The following EYS variants were observed in gnomAD, a reference collection of about 807,000 sequenced individuals.
EYS encodes protein eyes shut homolog.
In EYS, 250 loss-of-function variants were observed where a neutral mutation model predicts 282.1. That is an observed-to-expected ratio of 0.89 (90% CI 0.80 to 0.98). The LOEUF (loss-of-function observed/expected upper bound fraction) is 0.98, where lower values mean the gene tolerates loss of function less well. EYS is among the 50% of genes least tolerant of loss of function. The pLI is 0.00. For synonymous variants in EYS, 1,355 were observed against 1,282.9 expected, an observed-to-expected ratio of 1.06 and a Z score of -1.20; for missense variants, 4,016 against 3,709.0, an observed-to-expected ratio of 1.08 and a Z score of -2.15.
At chr6:64,010,371 A>G (rs1768554270) in intron 33 of EYS, among the ~76,000 whole-genome samples, 1 of 75,092 alleles carries the variant, frequency 1.3e-5, no homozygotes, top group African/African-American at 8.1e-5. Context: ...CACTGGTGGC[A>G]TTGGCTGTGT....
intron 22 of EYS, among the ~76,000 whole-genome samples, chr6:64,653,523 C>A (rs1486222133): frequency 6.6e-6 from 1 of 151,974 alleles, no homozygotes; most frequent in Non-Finnish European, 1.5e-5. Flanking sequence ...TGTTTCAGTT[C>A]ATTAATTTCT....
chr6:64,602,369 C>T (rs1195851138), intron 24 of EYS, among the ~76,000 whole-genome samples: 2 of 151,966 alleles, frequency 1.3e-5, no homozygotes, highest in African/African-American at 2.4e-5. Context: ...ACAGGATGGC[C>T]CTTTAGATGC....
chr6:65,511,761 T>C (rs1310890908), intron 2 of EYS, among the ~76,000 whole-genome samples: 1 of 152,010 alleles, frequency 6.6e-6, no homozygotes. Context: ...AAGACCAGCC[T>C]GGTCAACATG....
chr6:64,206,159 T>TATAAAA (rs1161341654), intron 31 of EYS, among the ~76,000 whole-genome samples: 1 of 152,126 alleles, frequency 6.6e-6, no homozygotes, highest in Non-Finnish European at 1.5e-5. Flanking sequence ...AACTAAAAAT[T>TATAAAA]ATAAAAATAA....
intron 26 of EYS, among the ~76,000 whole-genome samples, chr6:64,502,360 C>T (rs1777078861): frequency 6.6e-6 from 1 of 152,060 alleles, no homozygotes; most frequent in African/African-American, 2.4e-5. Context: ...CCTGCCTCAG[C>T]CTCCCGAGTA....
chr6:65,006,665 A>G (rs1254512200), intron 13 of EYS, among the ~76,000 whole-genome samples: 1 of 152,186 alleles, frequency 6.6e-6, no homozygotes, highest in Non-Finnish European at 1.5e-5. Context: ...TTACCATACA[A>G]AGGTCCGACC....
chr6:64,619,158 G>A (rs1284946149), intron 23 of EYS, among the ~76,000 whole-genome samples: 1 of 152,070 alleles, frequency 6.6e-6, no homozygotes, highest in Non-Finnish European at 1.5e-5. Flanking sequence ...AGAACACATG[G>A]TAGTTATACA....
At chr6:63,951,348 G>C (rs1253902770) in intron 35 of EYS, among the ~76,000 whole-genome samples, 1 of 152,086 alleles carries the variant, frequency 6.6e-6, no homozygotes, top group African/African-American at 2.4e-5. Flanking sequence ...GGTAATTCTT[G>C]TTGTAAAATG....
At chr6:64,685,043 T>G (rs1433948573) in intron 22 of EYS, among the ~76,000 whole-genome samples, 1 of 152,094 alleles carries the variant, frequency 6.6e-6, no homozygotes, top group Non-Finnish European at 1.5e-5. Context: ...AGATGTACTT[T>G]AAATATAAAA....
chr6:65,057,290 A>G (rs573835035), intron 13 of EYS, among the ~76,000 whole-genome samples: 5 of 152,144 alleles, frequency 3.3e-5, no homozygotes, highest in Non-Finnish European at 7.4e-5. Context: ...AAGAAATTAA[A>G]TAATACAGAA....
intron 12 of EYS, among the ~76,000 whole-genome samples, chr6:65,067,430 A>T (rs1010063504): frequency 3.3e-5 from 5 of 152,126 alleles, no homozygotes; most frequent in Non-Finnish European, 7.4e-5. Context: ...TGACAAACAC[A>T]CCATTAATTA....
intron 29 of EYS, among the ~76,000 whole-genome samples, chr6:64,362,871 T>C (rs1330179612): frequency 6.6e-6 from 1 of 150,636 alleles, no homozygotes; most frequent in African/African-American, 2.4e-5. Context: ...ATTTAATCTG[T>C]TAAAATTTAC....
intron 5 of EYS, among the ~76,000 whole-genome samples, chr6:65,462,251 T>C (rs1160345949): frequency 1.3e-5 from 2 of 152,102 alleles, no homozygotes; most frequent in Non-Finnish European, 2.9e-5. Flanking sequence ...ATAATGTTCT[T>C]GAAAAGTCAA....
intron 31 of EYS, among the ~76,000 whole-genome samples, chr6:64,121,439 A>C (rs960232193): frequency 6.6e-6 from 1 of 152,254 alleles, no homozygotes; most frequent in Non-Finnish European, 1.5e-5. Flanking sequence ...TGATTTGCCT[A>C]GATTGATATG....
At chr6:65,139,532 C>G (rs541108532) in intron 12 of EYS, among the ~76,000 whole-genome samples, 7 of 152,064 alleles carry the variant, frequency 4.6e-5, no homozygotes, top group African/African-American at 1.4e-4. Flanking sequence ...CAAACCTCCA[C>G]AGCATGCAAT....
intron 35 of EYS, among the ~76,000 whole-genome samples, chr6:63,879,856 G>A (rs1446131465): frequency 6.6e-6 from 1 of 152,102 alleles, no homozygotes; most frequent in Admixed American, 6.5e-5. Flanking sequence ...GGATAACAGG[G>A]GTAAACAGGG....
intron 29 of EYS, among the ~76,000 whole-genome samples, chr6:64,342,054 G>T (rs1316152106): frequency 1.3e-5 from 2 of 151,542 alleles, no homozygotes; most frequent in South Asian, 2.1e-4. Flanking sequence ...TCTTAAAACA[G>T]ATCTTTAGAT....
intron 37 of EYS, among the ~76,000 whole-genome samples, chr6:63,792,229 C>T (rs1277525858): frequency 1.3e-5 from 2 of 151,708 alleles, no homozygotes; most frequent in African/African-American, 4.8e-5. Flanking sequence ...GGGAACCAAT[C>T]ACCCATCAAG....
chr6:65,060,320 T>G (rs1773531773), intron 12 of EYS, among the ~76,000 whole-genome samples: 1 of 151,892 alleles, frequency 6.6e-6, no homozygotes, highest in Admixed American at 6.6e-5. Flanking sequence ...TAACACATTC[T>G]ATAACACAAT....
Sources: allele counts gnomAD v4.1 joint callset (sites outside exome capture counted in the v4.1 genomes callset), GRCh38; gene constraint gnomAD v4.1.1; transcripts MANE v1.5; gene names NCBI Gene and HGNC (gene_info 2026-07-23, HGNC 2026-07-21).